Variants in PEAK1 observed in about 807,000 individuals in gnomAD.
The protein encoded by PEAK1 is pseudopodium enriched atypical kinase 1.
In PEAK1, 54 loss-of-function variants were observed where a neutral mutation model predicts 124.7. The observed-to-expected ratio is 0.43, with a 90% CI of 0.35 to 0.54. The LOEUF is 0.54. PEAK1 is among the 20% of genes least tolerant of loss of function. The pLI, the probability that PEAK1 is intolerant of heterozygous loss-of-function variation, is 0.01. For missense variants in PEAK1, 2,046 were observed against 2,134.5 expected, an observed-to-expected ratio of 0.96 and a Z score of 0.82; for synonymous variants, 719 against 760.0, an observed-to-expected ratio of 0.95 and a Z score of 0.89.
At chr15:77,329,367 GCTT>G (rs2065767909) in intron 2 of PEAK1, among the ~76,000 whole-genome samples, 1 of 152,110 alleles carries the variant, frequency 6.6e-6, no homozygotes, top group Non-Finnish European at 1.5e-5. Context: ...CTCAAGTTAG[GCTT>G]CCAGATAATT....
At chr15:77,289,875 C>G (rs755294142) in intron 2 of PEAK1, among the ~76,000 whole-genome samples, 1 of 152,094 alleles carries the variant, frequency 6.6e-6, no homozygotes. Context: ...ATACACTAGT[C>G]ATAGTGCAGA....
At chr15:77,313,903 G>C (rs530796675) in intron 2 of PEAK1, among the ~76,000 whole-genome samples, 45 of 151,618 alleles carry the variant, frequency 3.0e-4, no homozygotes, top group South Asian at 1.0e-3. Context: ...TTAAAGAGTA[G>C]TATATGGAAA....
At chr15:77,389,520 G>A (rs1176086289) in intron 1 of PEAK1, among the ~76,000 whole-genome samples, 2 of 152,146 alleles carry the variant, frequency 1.3e-5, no homozygotes, top group African/African-American at 2.4e-5. Flanking sequence ...AAGCTGGGAT[G>A]ATAACTTGTG....
chr15:77,115,330 A>C lies in PEAK1; in HGVS notation c.4078-11T>G. ...TTTGCTCTTACAGATCTGAAAGATA[A>C]TAAAACAATTCAAAACTCACACTCT... is the stretch of plus-strand genomic sequence containing the variant. On this transcript the variant is annotated splice_polypyrimidine_tract_variant and intron_variant, in intron 9 of 9. Transcript: ENST00000682557. 1 of 1,604,582 alleles carries C rather than the reference A, an allele frequency of 6.2e-7. No individual in the cohort carries two copies.
chr15:77,419,471 G>A (rs2073180411), intron 1 of PEAK1: 10 of 985,302 alleles, frequency 1.0e-5, no homozygotes, highest in South Asian at 4.7e-5. Context: ...CTCCCCAGCC[G>A]CGGCGCGAAG....
intron 1 of PEAK1, among the ~76,000 whole-genome samples, chr15:77,378,495 T>TA (rs1439085981): frequency 6.6e-6 from 1 of 152,130 alleles, no homozygotes; most frequent in Non-Finnish European, 1.5e-5. Context: ...TATATTTAAT[T>TA]AGAGTTTGTT....
intron 1 of PEAK1, among the ~76,000 whole-genome samples, chr15:77,398,005 C>T (rs903142429): frequency 6.6e-5 from 10 of 152,250 alleles, no homozygotes; most frequent in South Asian, 2.1e-4. Flanking sequence ...GCGGAGGTTG[C>T]GGTGAGCCAA....
At chr15:77,195,301 T>G (rs1027799969) in intron 6 of PEAK1, among the ~76,000 whole-genome samples, 7 of 152,072 alleles carry the variant, frequency 4.6e-5, no homozygotes, top group African/African-American at 1.7e-4. Flanking sequence ...GAACTAAAAT[T>G]TTACTGTATC....
intron 5 of PEAK1, among the ~76,000 whole-genome samples, chr15:77,254,144 CT>C (rs1389607076): frequency 6.6e-6 from 1 of 152,014 alleles, no homozygotes; most frequent in Non-Finnish European, 1.5e-5. Flanking sequence ...AGTAGTGCGA[CT>C]ATTATATGTC....
intron 2 of PEAK1, chr15:77,348,996 C>CA (rs1214806411): frequency 7.4e-6 from 7 of 943,962 alleles, no homozygotes; most frequent in Admixed American, 6.2e-5. Flanking sequence ...TTAACTAATA[C>CA]AAAAAAATGC....
intron 6 of PEAK1, among the ~76,000 whole-genome samples, chr15:77,190,852 A>T (rs2057798031): frequency 6.6e-6 from 1 of 152,230 alleles, no homozygotes; most frequent in Non-Finnish European, 1.5e-5. Context: ...CTCCTTACCC[A>T]CACAGTAAGC....
intron 6 of PEAK1, among the ~76,000 whole-genome samples, chr15:77,246,861 A>T (rs1451608190): frequency 6.6e-6 from 1 of 151,700 alleles, no homozygotes; most frequent in Admixed American, 6.6e-5. Flanking sequence ...TACTAAAAAT[A>T]AAAAAAATTA....
At chr15:77,135,597 T>C (rs918843223) in intron 8 of PEAK1, among the ~76,000 whole-genome samples, 3 of 152,212 alleles carry the variant, frequency 2.0e-5, no homozygotes, top group Non-Finnish European at 2.9e-5. Flanking sequence ...CCCACCCAAA[T>C]CTCATCTTGA....
chr15:77,297,032 T>TGATTAAATATGCA (rs1330591143), intron 2 of PEAK1, among the ~76,000 whole-genome samples: 10 of 151,856 alleles, frequency 6.6e-5, no homozygotes, highest in African/African-American at 2.4e-4. Context: ...AGTAATCAGC[T>TGATTAAATATGCA]GTAAAATATG....
intron 2 of PEAK1, among the ~76,000 whole-genome samples, chr15:77,343,778 G>A (rs926297319): frequency 5.9e-5 from 9 of 152,020 alleles, no homozygotes; most frequent in African/African-American, 9.7e-5. Flanking sequence ...GAGAAACCGC[G>A]CCGGCCTTAT....
rs1185485533 is a variant in PEAK1, at chr15:77,231,871, C to T, written c.-115+20496G>A. Among the ~76,000 whole-genome samples, 6 of 152,130 alleles carry T rather than the reference C, an allele frequency of 3.9e-5. No homozygotes were observed. The East Asian group carries it at 9.6e-4, about 24-fold the overall frequency. On this transcript the variant is annotated intron_variant, in intron 6 of 9. Transcript: ENST00000682557. ...CTGAAGTCTTGATAATCAGTATCTT[C>T]CTACACACTCATACAAATTCATTTT...
At chr15:77,127,397 C>A (rs543862303) in intron 9 of PEAK1, among the ~76,000 whole-genome samples, 1 of 152,230 alleles carries the variant, frequency 6.6e-6, no homozygotes, top group African/African-American at 2.4e-5. Flanking sequence ...AAGGTAGAAG[C>A]AGCTTTGGAA....
chr15:77,334,089 TA>T, intron 2 of PEAK1: 2 of 848,370 alleles, frequency 2.4e-6, no homozygotes, highest in Middle Eastern at 6.0e-4. Context: ...GTAAGGTTTT[TA>T]AAAAATAATT....
intron 8 of PEAK1, among the ~76,000 whole-genome samples, chr15:77,154,112 G>C (rs991931532): frequency 2.9e-4 from 44 of 152,166 alleles, no homozygotes; most frequent in African/African-American, 1.0e-3. Context: ...ATTATTGTGT[G>C]GGAGTCTAAG....
Sources: allele counts gnomAD v4.1 joint callset (sites outside exome capture counted in the v4.1 genomes callset), GRCh38; gene constraint gnomAD v4.1.1; transcripts MANE v1.5; gene names NCBI Gene and HGNC (gene_info 2026-07-23, HGNC 2026-07-21).